Variants in SLC35D4 observed in about 807,000 individuals in gnomAD.
The protein encoded by SLC35D4 is UDP-N-acetylglucosamine transporter SLC35D4.
At chr18:23,262,264 G>A in the SLC35D4 span, among the ~76,000 whole-genome samples, 3 of 152,220 alleles carry the variant, frequency 2.0e-5, no homozygotes, top group Non-Finnish European at 4.4e-5. Context: ...CTAAGCAACA[G>A]CTAACATATT....
At chr18:23,437,315 T>C in the SLC35D4 span, among the ~76,000 whole-genome samples, 1 of 152,160 alleles carries the variant, frequency 6.6e-6, no homozygotes, top group Admixed American at 6.5e-5. Flanking sequence ...TACAAAAAAA[T>C]TGATTCGGGA....
At chr18:23,371,448 C>CA in the SLC35D4 span, 1 of 1,594,022 alleles carries the variant, frequency 6.3e-7, no homozygotes, top group South Asian at 1.1e-5. Context: ...AATTATAGCC[C>CA]AAAAATATCC....
the SLC35D4 span, among the ~76,000 whole-genome samples, chr18:23,305,480 A>T: frequency 6.6e-6 from 1 of 152,256 alleles, no homozygotes; most frequent in Non-Finnish European, 1.5e-5. Flanking sequence ...TTGGGAAAAT[A>T]AGCATCTCTG....
chr18:23,411,566 G>A, the SLC35D4 span, among the ~76,000 whole-genome samples: 2 of 147,148 alleles, frequency 1.4e-5, no homozygotes, highest in Non-Finnish European at 3.0e-5. Flanking sequence ...GTGTGCTGTA[G>A]GGTCTCCCAG....
the SLC35D4 span, among the ~76,000 whole-genome samples, chr18:23,351,486 A>C: frequency 2.0e-5 from 3 of 152,312 alleles, no homozygotes; most frequent in African/African-American, 7.2e-5. Context: ...CTTATTTTCA[A>C]AGCAAAATGT....
the SLC35D4 span, among the ~76,000 whole-genome samples, chr18:23,403,064 C>T: frequency 6.6e-6 from 1 of 152,188 alleles, no homozygotes; most frequent in South Asian, 2.1e-4. Flanking sequence ...CAAGGTCGTG[C>T]CACTGCACTC....
chr18:23,330,329 C>A, the SLC35D4 span, among the ~76,000 whole-genome samples: 1 of 152,062 alleles, frequency 6.6e-6, no homozygotes, highest in Non-Finnish European at 1.5e-5. Context: ...ATGGTAGAGT[C>A]CCATAAGCTT....
the SLC35D4 span, among the ~76,000 whole-genome samples, chr18:23,422,076 C>T: frequency 6.6e-6 from 1 of 152,248 alleles, no homozygotes; most frequent in South Asian, 2.1e-4. Context: ...CCCGTTCTCA[C>T]TTGGATACTG....
At chr18:23,433,180 C>T in the SLC35D4 span, among the ~76,000 whole-genome samples, 1 of 151,836 alleles carries the variant, frequency 6.6e-6, no homozygotes, top group African/African-American at 2.4e-5. Flanking sequence ...CTGCCTCAGC[C>T]TCCCAAGTAG....
chr18:23,349,361 G>A, the SLC35D4 span, among the ~76,000 whole-genome samples: 127 of 152,216 alleles, frequency 8.3e-4, no homozygotes, highest in African/African-American at 3.0e-3. Flanking sequence ...GGCCAGGCAC[G>A]GGGGCTCACG....
the SLC35D4 span, among the ~76,000 whole-genome samples, chr18:23,362,313 G>A: frequency 1.3e-5 from 2 of 152,150 alleles, no homozygotes; most frequent in Non-Finnish European, 2.9e-5. Context: ...GTAAAGTGTA[G>A]GGGGACTGGG....
the SLC35D4 span, among the ~76,000 whole-genome samples, chr18:23,415,471 A>G: frequency 6.6e-6 from 1 of 152,240 alleles, no homozygotes; most frequent in Non-Finnish European, 1.5e-5. Context: ...CTGGCAATAC[A>G]GGAATTATAG....
At chr18:23,315,509 G>T in the SLC35D4 span, among the ~76,000 whole-genome samples, 1 of 152,198 alleles carries the variant, frequency 6.6e-6, no homozygotes, top group South Asian at 2.1e-4. Flanking sequence ...ACGTTCAGGG[G>T]CTAGCAATAG....
At chr18:23,354,362 A>AG in the SLC35D4 span, among the ~76,000 whole-genome samples, 911 of 149,708 alleles carry the variant, frequency 6.1e-3, 11 homozygotes, top group African/African-American at 0.02. Flanking sequence ...AAAAAAAAAA[A>AG]AAAAGAAAAT....
the SLC35D4 span, among the ~76,000 whole-genome samples, chr18:23,397,752 G>A: frequency 6.6e-6 from 1 of 152,156 alleles, no homozygotes; most frequent in Non-Finnish European, 1.5e-5. Flanking sequence ...CAAAAGGTGG[G>A]GAGTTAGAAG....
the SLC35D4 span, among the ~76,000 whole-genome samples, chr18:23,263,286 G>C: frequency 6.6e-6 from 1 of 152,186 alleles, no homozygotes; most frequent in Non-Finnish European, 1.5e-5. Context: ...AGTTAGAGGA[G>C]GTCTTCTGAT....
At chr18:23,420,910 C>G in the SLC35D4 span, among the ~76,000 whole-genome samples, 1 of 152,064 alleles carries the variant, frequency 6.6e-6, no homozygotes, top group East Asian at 1.9e-4. Flanking sequence ...CACTAAACCT[C>G]ACGGTTAGAA....
At chr18:23,419,732 C>T in the SLC35D4 span, among the ~76,000 whole-genome samples, 142,960 of 152,216 alleles carry the variant, frequency 0.94, 67,192 homozygotes, top group African/African-American at 0.95. Flanking sequence ...TGGCAAAATA[C>T]GGTCTTTAAA....
chr18:23,373,833 G>A, the SLC35D4 span: 76 of 1,539,026 alleles, frequency 4.9e-5, no homozygotes, highest in Non-Finnish European at 4.1e-5. Context: ...GAGCGTGGAG[G>A]TGAAAATGCA....
Sources: allele counts gnomAD v4.1 joint callset (sites outside exome capture counted in the v4.1 genomes callset), GRCh38; gene constraint gnomAD v4.1.1; transcripts MANE v1.5; gene names NCBI Gene and HGNC (gene_info 2026-07-23, HGNC 2026-07-21).